MALRD1: variants seen among roughly 807,000 people sequenced by gnomAD.
The protein encoded by MALRD1 is MAM and LDL-receptor class A domain-containing protein 1.
In MALRD1, 247 loss-of-function variants were observed where a neutral mutation model predicts 242.1. The observed-to-expected ratio is 1.02, with a 90% CI of 0.92 to 1.13. The LOEUF (loss-of-function observed/expected upper bound fraction) is 1.13, where lower values mean the gene tolerates loss of function less well. MALRD1 is among the 50% of genes most tolerant of loss of function. The probability of loss-of-function intolerance (pLI) is 0.00; values close to 1 mark genes in which losing one functional copy is unlikely to be tolerated. For synonymous variants in MALRD1, 995 were observed against 866.6 expected (o/e 1.15, Z -2.60); for missense variants, 2,989 against 2,533.1 (o/e 1.18, Z -3.86).
At chr10:19,600,012 C>T (rs973614311) in intron 34 of MALRD1, among the ~76,000 whole-genome samples, 4 of 152,082 alleles carry the variant, frequency 2.6e-5, no homozygotes, top group Non-Finnish European at 5.9e-5. Flanking sequence ...TACATGGAAA[C>T]TATCCATCAG....
rs1224003795 is a variant in MALRD1 at position 19,322,426 on chromosome 10, T to TAA, written c.3420-1522_3420-1521dup. Among the ~76,000 whole-genome samples the TAA allele has an allele frequency of 4.6e-5, 7 of 152,290 alleles. No homozygotes were observed. In the East Asian group the frequency reaches 5.8e-4, roughly 13 times the overall value. ...TTAGGAAGAATGAATGATATATATA[T>TAA]AACCACAAATTACAACTACCATTTT... On this transcript the variant is annotated intron_variant, in intron 21 of 39. Transcript: ENST00000454679.
chr10:19,176,365 G>GTTTTTTTT (rs796126920), intron 14 of MALRD1, among the ~76,000 whole-genome samples: 2 of 97,176 alleles, frequency 2.1e-5, no homozygotes, highest in Non-Finnish European at 4.3e-5. Flanking sequence ...ATTTCTGGGT[G>GTTTTTTTT]CTTTTTTTTT....
chr10:19,060,626 C>T (rs1360142481), intron 1 of MALRD1, among the ~76,000 whole-genome samples: 1 of 152,138 alleles, frequency 6.6e-6, no homozygotes, highest in African/African-American at 2.4e-5. Context: ...GACATATTAA[C>T]TATTCAAGGA....
chr10:19,071,576 G>C (rs921122656), intron 2 of MALRD1, among the ~76,000 whole-genome samples: 2 of 152,070 alleles, frequency 1.3e-5, no homozygotes, highest in African/African-American at 4.8e-5. Flanking sequence ...CCAGCTTATA[G>C]ATTTTTCTTG....
chr10:19,282,382 T>C (rs1330573116), intron 20 of MALRD1, among the ~76,000 whole-genome samples: 1 of 152,224 alleles, frequency 6.6e-6, no homozygotes, highest in Non-Finnish European at 1.5e-5. Flanking sequence ...CACCAGGTTT[T>C]CTATAGTATA....
intron 5 of MALRD1, among the ~76,000 whole-genome samples, chr10:19,104,475 A>G (rs957656798): frequency 6.6e-6 from 1 of 152,170 alleles, no homozygotes; most frequent in Non-Finnish European, 1.5e-5. Flanking sequence ...GGTATTAGTT[A>G]TAATCTATTT....
At chr10:19,721,452 C>A (rs1445022995) in intron 38 of MALRD1, 1 of 152,020 alleles carries the variant, frequency 6.6e-6, no homozygotes, top group Non-Finnish European at 1.5e-5. Context: ...TAAGTGAATT[C>A]TATTCCCACC....
intron 14 of MALRD1, among the ~76,000 whole-genome samples, chr10:19,199,430 T>C (rs1467224889): frequency 6.6e-6 from 1 of 152,202 alleles, no homozygotes; most frequent in East Asian, 1.9e-4. Flanking sequence ...AGGTTTGGGT[T>C]AGAATCATGA....
At chr10:19,486,588 C>T (rs1037304889) in intron 29 of MALRD1, among the ~76,000 whole-genome samples, 7 of 152,100 alleles carry the variant, frequency 4.6e-5, no homozygotes, top group Admixed American at 2.0e-4. Context: ...GCAGGGATTA[C>T]GCCCGTTTTA....
chr10:19,171,241 A>T (rs1389031437), intron 13 of MALRD1, among the ~76,000 whole-genome samples: 1 of 151,596 alleles, frequency 6.6e-6, no homozygotes, highest in Non-Finnish European at 1.5e-5. Context: ...AGAGTGAGTC[A>T]TCTAATTCAA....
intron 14 of MALRD1, among the ~76,000 whole-genome samples, chr10:19,191,475 C>G (rs1835972261): frequency 6.6e-6 from 1 of 152,214 alleles, no homozygotes; most frequent in South Asian, 2.1e-4. Context: ...TATGCTTCGG[C>G]AATTCCAGTT....
chr10:19,631,345 T>C (rs772527797), intron 36 of MALRD1, among the ~76,000 whole-genome samples: 4 of 152,330 alleles, frequency 2.6e-5, no homozygotes, highest in East Asian at 1.9e-4. Context: ...TATGGCTGCA[T>C]AGTATTTCAT....
chr10:19,157,782 C>G (rs967281921), intron 12 of MALRD1, among the ~76,000 whole-genome samples: 4 of 152,026 alleles, frequency 2.6e-5, no homozygotes, highest in African/African-American at 9.7e-5. Context: ...TTTTTTCCTA[C>G]ATAATCCTAG....
chr10:19,618,632 T>G (rs1047603371), intron 36 of MALRD1, among the ~76,000 whole-genome samples: 1 of 152,080 alleles, frequency 6.6e-6, no homozygotes, highest in Non-Finnish European at 1.5e-5. Flanking sequence ...GTGTGTCTTC[T>G]TTCAAAAAAT....
intron 12 of MALRD1, among the ~76,000 whole-genome samples, chr10:19,159,324 T>C (rs912793272): frequency 6.6e-6 from 1 of 152,168 alleles, no homozygotes; most frequent in African/African-American, 2.4e-5. Context: ...ATATCTTAGC[T>C]TGTTTTTTTT....
chr10:19,252,021 G>C (rs1220411174), intron 18 of MALRD1, among the ~76,000 whole-genome samples: 1 of 151,948 alleles, frequency 6.6e-6, no homozygotes, highest in Non-Finnish European at 1.5e-5. Flanking sequence ...CATGCTTACT[G>C]TACAGGCTGT....
chr10:19,719,223 C>CATATATATATATATATATATATATAT (rs368394538), intron 38 of MALRD1, among the ~76,000 whole-genome samples: 17 of 76,432 alleles, frequency 2.2e-4, no homozygotes, highest in Non-Finnish European at 3.5e-4. Flanking sequence ...CACATACATA[C>CATATATATATATATATATATATATAT]ATATATATAT....
intron 33 of MALRD1, among the ~76,000 whole-genome samples, chr10:19,594,571 A>G (rs1263964170): frequency 2.0e-5 from 3 of 152,182 alleles, no homozygotes; most frequent in African/African-American, 4.8e-5. Context: ...TTGCAAAGAT[A>G]TGGAACCAAC....
rs1188049148 is a variant in MALRD1, at chr10:19,209,364, C to A, written c.2675C>A (p.Pro892Gln). ...FDWTRSQGPTPTLNTGPMKDN... is the reference protein window; with the variant it reads ...FDWTRSQGPTQTLNTGPMKDN... ...TGGACCAGGAGCCAGGGTCCAACTC[C>A]AACACTTAACACAGGGCCAATGAAA... Residue 892 changes from proline (P) to glutamine (Q), a missense_variant, in exon 18 of 40, where the codon CCA (proline) becomes CAA (glutamine). Transcript: ENST00000454679. 4 of 1,550,884 alleles carry A rather than the reference C, an allele frequency of 2.6e-6. No homozygotes were observed. Among genetic ancestry groups the A allele is most frequent in the Non-Finnish European group, 2.6e-6 (3 of 1,147,050 alleles).
Sources: allele counts gnomAD v4.1 joint callset (sites outside exome capture counted in the v4.1 genomes callset), GRCh38; gene constraint gnomAD v4.1.1; transcripts MANE v1.5; gene names NCBI Gene and HGNC (gene_info 2026-07-23, HGNC 2026-07-21).